Variants in M1AP observed in about 807,000 individuals in gnomAD.
The protein encoded by M1AP is meiosis 1 arrest protein.
M1AP carries 39 observed loss-of-function variants against 51.2 expected under a neutral mutation model. The observed-to-expected ratio is 0.76, with a 90% CI of 0.59 to 1.00. The LOEUF (loss-of-function observed/expected upper bound fraction) is 1.00, where lower values mean the gene tolerates loss of function less well. M1AP is among the 50% of genes least tolerant of loss of function. The pLI, the probability that M1AP is intolerant of heterozygous loss-of-function variation, is 0.00. For missense variants in M1AP, 545 were observed against 641.2 expected (o/e 0.85, Z 1.62); for synonymous variants, 251 against 249.2 (o/e 1.01, Z -0.07).
rs1025874037 is a variant in M1AP at position 74,557,983 on chromosome 2, A to T, written c.*733T>A. The T allele has an allele frequency of 1.3e-5, 2 of 151,158 alleles. No individual in the cohort carries two copies. Among genetic ancestry groups the T allele is most frequent in the African/African-American group, 4.9e-5 (2 of 40,920 alleles). 9.4% of individuals were successfully genotyped at this position (151,158 alleles called of 1,614,324 possible). On this transcript the variant is annotated 3_prime_UTR_variant, in exon 11 of 11. Transcript: ENST00000421985. ...ACTCCTGGCCTCAAGTGATCATCCC[A>T]CCTCAGCCTCTCAAAGTGTTGGGAT...
chr2:74,561,079 GA>G (rs1677903459), intron 8 of M1AP, among the ~76,000 whole-genome samples: 1 of 77,632 alleles, frequency 1.3e-5, no homozygotes, highest in African/African-American at 5.5e-5. Flanking sequence ...GGAGGAGGAG[GA>G]GGAGGAGGAG....
chr2:74,559,317 C>T (rs937339155), intron 10 of M1AP, among the ~76,000 whole-genome samples: 2 of 152,128 alleles, frequency 1.3e-5, no homozygotes, highest in Non-Finnish European at 2.9e-5. Context: ...ACTACCACTC[C>T]TGGCTAATTT....
intron 1 of M1AP, among the ~76,000 whole-genome samples, chr2:74,646,477 T>C (rs1683620251): frequency 6.6e-6 from 1 of 152,168 alleles, no homozygotes; most frequent in South Asian, 2.1e-4. Context: ...ATGAAAAGGA[T>C]GAAGACATCC....
chr2:74,612,073 T>C (rs1681398518), intron 3 of M1AP, among the ~76,000 whole-genome samples: 1 of 150,842 alleles, frequency 6.6e-6, no homozygotes, highest in Non-Finnish European at 1.5e-5. Flanking sequence ...TTTTGTATTT[T>C]TTAGTAGAGA....
At chr2:74,594,155 GAAAAATCAA>G (rs1680196923) in intron 4 of M1AP, among the ~76,000 whole-genome samples, 1 of 152,130 alleles carries the variant, frequency 6.6e-6, no homozygotes, top group South Asian at 2.1e-4. Flanking sequence ...TTAATTTTCT[GAAAAATCAA>G]CACTTTTCAG....
At chr2:74,590,919 T>C (rs2104630726) in intron 4 of M1AP, among the ~76,000 whole-genome samples, 1 of 152,308 alleles carries the variant, frequency 6.6e-6, no homozygotes, top group Non-Finnish European at 1.5e-5. Flanking sequence ...AAACGTTATA[T>C]TGAACAGAAG....
chr2:74,619,059 G>A (rs532480290), intron 2 of M1AP: 1 of 458,612 alleles, frequency 2.2e-6, no homozygotes, highest in African/African-American at 2.0e-5. Flanking sequence ...ATTGATTAAG[G>A]TTTTGTTGAT....
At chr2:74,646,654 T>A (rs938140263) in intron 1 of M1AP, among the ~76,000 whole-genome samples, 8 of 152,244 alleles carry the variant, frequency 5.3e-5, no homozygotes, top group African/African-American at 1.9e-4. Flanking sequence ...TCATAAGTTT[T>A]ACTATGAGAG....
chr2:74,622,399 T>G (rs915924445), intron 2 of M1AP, among the ~76,000 whole-genome samples: 3 of 151,998 alleles, frequency 2.0e-5, no homozygotes, highest in Non-Finnish European at 2.9e-5. Flanking sequence ...CCACCATGCC[T>G]GGCTTTTTTT....
intron 4 of M1AP, among the ~76,000 whole-genome samples, chr2:74,583,878 A>G (rs1679553567): frequency 6.6e-6 from 1 of 152,198 alleles, no homozygotes; most frequent in Admixed American, 6.5e-5. Flanking sequence ...AGGGGCATCA[A>G]ATGCATTTCT....
chr2:74,620,632 C>T (rs1279506831), intron 2 of M1AP: 2 of 208,760 alleles, frequency 9.6e-6, no homozygotes, highest in Non-Finnish European at 2.1e-5. Flanking sequence ...GCAGTTTGCC[C>T]AGACCAGTCC....
At chr2:74,614,608 C>T (rs553021811) in intron 3 of M1AP, among the ~76,000 whole-genome samples, 2 of 152,268 alleles carry the variant, frequency 1.3e-5, no homozygotes, top group African/African-American at 2.4e-5. Flanking sequence ...CCTAAGAGTA[C>T]CAAGGTAAAT....
intron 6 of M1AP, among the ~76,000 whole-genome samples, chr2:74,575,971 G>C (rs562661114): frequency 6.6e-6 from 1 of 152,294 alleles, no homozygotes; most frequent in South Asian, 2.1e-4. Flanking sequence ...TCCTGCCTCA[G>C]CTTCCCAGAG....
At chr2:74,559,610 CT>C in intron 10 of M1AP, 87 bp downstream of exon 10, 1 of 711,790 alleles carries the variant, frequency 1.4e-6, no homozygotes, top group South Asian at 1.5e-5. Context: ...CCCCAACTGT[CT>C]TCAACCCCAG....
intron 7 of M1AP, among the ~76,000 whole-genome samples, chr2:74,566,602 C>A (rs1249581596): frequency 6.6e-6 from 1 of 152,202 alleles, no homozygotes; most frequent in Non-Finnish European, 1.5e-5. Flanking sequence ...CACAGGAAGC[C>A]CACTGACTCA....
chr2:74,583,653 T>TAGC (rs1022955685), intron 4 of M1AP, among the ~76,000 whole-genome samples: 5 of 152,194 alleles, frequency 3.3e-5, no homozygotes, highest in African/African-American at 1.2e-4. Context: ...GAAAAGCCAG[T>TAGC]TGCTCCAATG....
At chr2:74,581,164 T>C (rs1313393780) in intron 5 of M1AP, among the ~76,000 whole-genome samples, 1 of 152,320 alleles carries the variant, frequency 6.6e-6, no homozygotes, top group Non-Finnish European at 1.5e-5. Flanking sequence ...TTTGTGAACA[T>C]GGTCTTGGGC....
intron 4 of M1AP, among the ~76,000 whole-genome samples, chr2:74,598,502 T>C (rs1190960117): frequency 6.6e-6 from 1 of 152,104 alleles, no homozygotes; most frequent in Non-Finnish European, 1.5e-5. Context: ...CTCTATCTGC[T>C]TTTTTCTCAA....
chr2:74,636,794 A>T (rs1683012173), intron 2 of M1AP, among the ~76,000 whole-genome samples: 1 of 152,086 alleles, frequency 6.6e-6, no homozygotes, highest in African/African-American at 2.4e-5. Flanking sequence ...CTCTACATAT[A>T]TCTCAAACTC....
Sources: gnomAD v4.1 joint callset for allele counts (sites outside exome capture counted in the v4.1 genomes callset) on GRCh38, gnomAD v4.1.1 for gene constraint, MANE v1.5 for transcripts, NCBI Gene and HGNC (gene_info 2026-07-23, HGNC 2026-07-21) for gene names.